The following DLGAP1 variants were observed in gnomAD, a reference collection of about 807,000 sequenced individuals.
DLGAP1 encodes disks large-associated protein 1.
In DLGAP1, 11 loss-of-function variants were observed where a neutral mutation model predicts 90.8. That is an observed-to-expected ratio of 0.12 (90% CI 0.08 to 0.20). The LOEUF (loss-of-function observed/expected upper bound fraction) is 0.20, where lower values mean the gene tolerates loss of function less well. DLGAP1 is among the 10% of genes least tolerant of loss of function. The pLI is 1.00. For missense variants in DLGAP1, 1,050 were observed against 1,333.8 expected (o/e 0.79, Z 3.31); for synonymous variants, 558 against 540.7 (o/e 1.03, Z -0.44).
At chr18:3,896,019 A>G (rs923787803) in intron 3 of DLGAP1, 1 of 152,250 alleles carries the variant, frequency 6.6e-6, no homozygotes, top group Non-Finnish European at 1.5e-5. Flanking sequence ...CTACAGAATT[A>G]TCTAACTAGT....
At chr18:3,782,140 A>ATT (rs1477542106) in intron 5 of DLGAP1, among the ~76,000 whole-genome samples, 3 of 140,482 alleles carry the variant, frequency 2.1e-5, no homozygotes, top group African/African-American at 5.2e-5. Context: ...TTGCTCTAAG[A>ATT]TTTTTTTTTT....
At chr18:4,228,999 A>C (rs1424090190) in intron 1 of DLGAP1, among the ~76,000 whole-genome samples, 1 of 152,108 alleles carries the variant, frequency 6.6e-6, no homozygotes, top group Non-Finnish European at 1.5e-5. Context: ...TGAAGGATAC[A>C]AAATCAACAT....
At chr18:4,364,046 C>T (rs1477118768) in intron 1 of DLGAP1, among the ~76,000 whole-genome samples, 1 of 151,564 alleles carries the variant, frequency 6.6e-6, no homozygotes, top group Non-Finnish European at 1.5e-5. Context: ...GAAAATGTGG[C>T]ACATACACAC....
chr18:3,958,487 G>A lies in DLGAP1; in HGVS notation c.-73+46629C>T, dbSNP rs550040308. Among the ~76,000 whole-genome samples the A allele has an allele frequency of 1.3e-3, 194 of 147,266 alleles. 2 individuals carry two copies. The highest frequency in any genetic ancestry group is 2.4e-3 in the Non-Finnish European group (164 of 67,174). ...AAAAAAAAAAAAAAAAAAGAGGACAGTATGAACAAGAAGTCTTCTGGCTAA... is the reference window on the plus strand; with the variant it reads ...AAAAAAAAAAAAAAAAAAGAGGACAATATGAACAAGAAGTCTTCTGGCTAA... On this transcript the variant is annotated intron_variant, in intron 3 of 12. Transcript: ENST00000315677.
At chr18:4,289,015 T>G in intron 1 of DLGAP1, among the ~76,000 whole-genome samples, 1 of 152,120 alleles carries the variant, frequency 6.6e-6, no homozygotes, top group East Asian at 1.9e-4. Flanking sequence ...TTGTGTGAAG[T>G]GTCTGGACAA....
intron 2 of DLGAP1, among the ~76,000 whole-genome samples, chr18:4,062,639 C>T (rs2075315322): frequency 6.6e-6 from 1 of 152,114 alleles, no homozygotes; most frequent in Admixed American, 6.6e-5. Context: ...TGCCGTGCTT[C>T]ATGCAAATAA....
chr18:4,377,422 A>ACTC (rs2082036422), intron 1 of DLGAP1, among the ~76,000 whole-genome samples: 1 of 152,018 alleles, frequency 6.6e-6, no homozygotes, highest in African/African-American at 2.4e-5. Context: ...ATTTATAAAA[A>ACTC]CTCTAAAATG....
intron 2 of DLGAP1, among the ~76,000 whole-genome samples, chr18:4,089,856 T>G (rs537527957): frequency 6.6e-6 from 1 of 152,228 alleles, no homozygotes; most frequent in South Asian, 2.1e-4. Flanking sequence ...CCATCCTGGC[T>G]AACACGGTGA....
chr18:3,507,204 C>T (rs1666774777), intron 11 of DLGAP1, among the ~76,000 whole-genome samples: 1 of 152,048 alleles, frequency 6.6e-6, no homozygotes, highest in Non-Finnish European at 1.5e-5. Context: ...AACTCCAAAA[C>T]TGGCCAAGTG....
intron 4 of DLGAP1, chr18:3,845,346 G>C: frequency 6.4e-7 from 1 of 1,567,714 alleles, no homozygotes; most frequent in Non-Finnish European, 8.7e-7. Flanking sequence ...TCTATGATTT[G>C]CCGATTCTAA....
intron 5 of DLGAP1, among the ~76,000 whole-genome samples, chr18:3,772,429 T>TCCTC (rs1187088283): frequency 1.2e-5 from 1 of 83,544 alleles, no homozygotes; most frequent in African/African-American, 4.1e-5. Context: ...TTTCCTTCCT[T>TCCTC]CCTCCCTCCC....
At chr18:4,023,790 G>A (rs1187550116) in intron 2 of DLGAP1, among the ~76,000 whole-genome samples, 9 of 152,126 alleles carry the variant, frequency 5.9e-5, no homozygotes, top group Admixed American at 5.9e-4. Flanking sequence ...AGCTGTTTAG[G>A]AGACACAGGC....
chr18:4,342,028 C>T lies in DLGAP1; in HGVS notation c.-267+112978G>A, dbSNP rs967840833. Reference sequence around the variant, plus strand: ...AAAATAAATAGCTGAACCTGCCACACAAGATCATCTTCAGAATTTCTGAGC... The same window carrying T: ...AAAATAAATAGCTGAACCTGCCACATAAGATCATCTTCAGAATTTCTGAGC... On this transcript the variant is annotated intron_variant, in intron 1 of 12. Coordinates refer to ENST00000315677, the MANE Select transcript of DLGAP1 (RefSeq NM_004746.4). The surrounding 1 kb of genome is among the most constrained non-coding windows in gnomAD (Gnocchi z 5.8). Among the ~76,000 whole-genome samples the T allele has an allele frequency of 2.0e-5, 3 of 152,200 alleles. No individual in the cohort carries two copies. The South Asian group carries it at 6.2e-4, about 32-fold the overall frequency.
At chr18:4,185,998 C>G (rs1181848718) in intron 1 of DLGAP1, among the ~76,000 whole-genome samples, 2 of 152,010 alleles carry the variant, frequency 1.3e-5, no homozygotes, top group Non-Finnish European at 2.9e-5. Context: ...GATAGTATCT[C>G]TTTATGGTTT....
chr18:4,281,703 T>C (rs1334322556), intron 1 of DLGAP1, among the ~76,000 whole-genome samples: 1 of 152,146 alleles, frequency 6.6e-6, no homozygotes, highest in Non-Finnish European at 1.5e-5. Flanking sequence ...GGTCAAAAAA[T>C]ATTCAGGCTT....
chr18:3,944,019 G>T (rs992224169), intron 3 of DLGAP1, among the ~76,000 whole-genome samples: 2 of 152,206 alleles, frequency 1.3e-5, no homozygotes, highest in African/African-American at 4.8e-5. Flanking sequence ...AATTTCTGTT[G>T]TTTAAGCCAC....
intron 1 of DLGAP1, among the ~76,000 whole-genome samples, chr18:4,422,875 T>G (rs996474198): frequency 4.6e-5 from 7 of 152,084 alleles, no homozygotes; most frequent in African/African-American, 1.7e-4. Context: ...GCATGCCTGG[T>G]AAAGTAAATG....
chr18:4,173,524 GTTATT>G (rs970549737), intron 1 of DLGAP1, among the ~76,000 whole-genome samples: 8 of 151,938 alleles, frequency 5.3e-5, no homozygotes, highest in African/African-American at 1.7e-4. Context: ...TCAGACATTG[GTTATT>G]TTAATCAACT....
chr18:4,129,976 C>T (rs1027339236), intron 2 of DLGAP1, among the ~76,000 whole-genome samples: 1 of 152,142 alleles, frequency 6.6e-6, no homozygotes, highest in African/African-American at 2.4e-5. Context: ...GCATGCTGAA[C>T]AGAAGCATTA....
Sources: allele counts gnomAD v4.1 joint callset (sites outside exome capture counted in the v4.1 genomes callset), GRCh38; gene constraint gnomAD v4.1.1; non-coding constraint Gnocchi (gnomAD v3.1); transcripts MANE v1.5; gene names NCBI Gene and HGNC (gene_info 2026-07-23, HGNC 2026-07-21).